TEX14: variants seen among roughly 807,000 people sequenced by gnomAD.
The protein encoded by TEX14 is inactive serine/threonine-protein kinase TEX14.
A neutral mutation model predicts 178.6 loss-of-function variants in TEX14; 168 were observed. That is an observed-to-expected ratio of 0.94 (90% confidence interval 0.83 to 1.07). The LOEUF (loss-of-function observed/expected upper bound fraction) is 1.07, where lower values mean the gene tolerates loss of function less well. TEX14 is among the 50% of genes least tolerant of loss of function. The pLI is 0.00. For synonymous variants in TEX14, 626 were observed against 634.1 expected, an observed-to-expected ratio of 0.99 and a Z score of 0.19; for missense variants, 1,730 against 1,753.6, an observed-to-expected ratio of 0.99 and a Z score of 0.24.
At chr17:58,687,898 T>C (rs1227497590) in intron 1 of TEX14, among the ~76,000 whole-genome samples, 2 of 152,154 alleles carry the variant, frequency 1.3e-5, no homozygotes, top group African/African-American at 4.8e-5. Flanking sequence ...AAGATCCTGA[T>C]AGATTATAAG....
intron 1 of TEX14, among the ~76,000 whole-genome samples, chr17:58,659,034 G>A (rs1246754989): frequency 6.6e-6 from 1 of 152,050 alleles, no homozygotes; most frequent in Non-Finnish European, 1.5e-5. Flanking sequence ...CGTAACCTAA[G>A]AAGACGTAAG....
chr17:58,574,251 T>A lies in TEX14; in HGVS notation c.3321-2A>T. ...GTCTCTTCTTGTTCATCTTCAGTACTGTGAGAAAGAAAGTAAGAAAATTAC... is the reference window on the plus strand; with the variant it reads ...GTCTCTTCTTGTTCATCTTCAGTACAGTGAGAAAGAAAGTAAGAAAATTAC... On this transcript the variant is annotated splice_acceptor_variant, in intron 21 of 31. Transcript: ENST00000349033. LOFTEE classifies it high-confidence loss of function. The A allele has an allele frequency of 1.2e-6, 2 of 1,611,306 alleles. No individual in the cohort carries two copies. Among genetic ancestry groups the A allele is most frequent in the South Asian group, 2.2e-5 (2 of 90,940 alleles).
rs1273353997 is a variant in TEX14 at position 58,639,441 on chromosome 17, C to T, written c.137-8887G>A. ...GTTGGCCGGGCGCGGTGGCTCACGC[C>T]TGTAATTGCAGCACTTTGGGAGGCC... On this transcript the variant is annotated intron_variant, in intron 2 of 31. Transcript: ENST00000349033. Among the ~76,000 whole-genome samples, 9 of 152,142 alleles carry T rather than the reference C, an allele frequency of 5.9e-5. No individual in the cohort carries two copies. In the East Asian group the frequency reaches 1.8e-3, roughly 30 times the overall value.
chr17:58,617,412 G>C, intron 6 of TEX14, 126 bp downstream of exon 6: 1 of 669,844 alleles, frequency 1.5e-6, no homozygotes, highest in African/African-American at 1.8e-5. Context: ...CTCAATAGGG[G>C]CAAAAAAGAA....
At chr17:58,599,723 G>C in intron 13 of TEX14, 57 bp from the exon 14 acceptor site, 1 of 1,428,566 alleles carries the variant, frequency 7.0e-7, no homozygotes, top group Non-Finnish European at 9.6e-7. Flanking sequence ...TGGCAGCTAA[G>C]CAGCCTTGGC....
In TEX14 at chr17:58,621,813, T is replaced by C. The variant is rs749228317; in HGVS notation, c.418-27A>G. 4 of 1,600,674 alleles carry C rather than the reference T, an allele frequency of 2.5e-6. No individual in the cohort carries two copies. In the Admixed American group the frequency reaches 6.8e-5, roughly 27 times the overall value. On this transcript the variant is annotated intron_variant, in intron 4 of 31. Transcript: ENST00000349033. ...TGCAAAACATCGCAGAGATGCCCAG[T>C]GCGGGCGCACCAGTTCTCAATGGAA...
At chr17:58,586,748 A>C (rs1002710937) in intron 17 of TEX14, among the ~76,000 whole-genome samples, 3 of 152,084 alleles carry the variant, frequency 2.0e-5, no homozygotes, top group East Asian at 1.9e-4. Flanking sequence ...AAAAAAAAAA[A>C]ACAATCAATT....
intron 10 of TEX14, among the ~76,000 whole-genome samples, chr17:58,608,666 T>C (rs2045673304): frequency 6.6e-6 from 1 of 152,194 alleles, no homozygotes; most frequent in South Asian, 2.1e-4. Context: ...CAGACACACT[T>C]GTATAAAAAT....
chr17:58,585,062 T>C (rs542302369), intron 18 of TEX14, among the ~76,000 whole-genome samples: 1 of 152,274 alleles, frequency 6.6e-6, no homozygotes, highest in African/African-American at 2.4e-5. Flanking sequence ...ATAGACTCTC[T>C]GGAAAAATTT....
rs138081947 is a variant in TEX14 at position 58,603,076 on chromosome 17, A to C, written c.1337-486T>G. ...ACAGAAAACAAAAAAACAAAAAAAA[A>C]CTACCTGGAAGGCCAATTCATAAGT... On this transcript the variant is annotated intron_variant, in intron 11 of 31. Coordinates refer to ENST00000349033, the MANE Select transcript of TEX14 (RefSeq NM_031272.5). 3.3e-5 allele frequency among the ~76,000 whole-genome samples: 5 copies of C among 151,856 alleles called. No individual in the cohort carries two copies. In the East Asian group the frequency reaches 9.8e-4, roughly 30 times the overall value.
intron 29 of TEX14, among the ~76,000 whole-genome samples, chr17:58,560,193 T>C (rs2044246396): frequency 6.6e-6 from 1 of 152,180 alleles, no homozygotes; most frequent in African/African-American, 2.4e-5. Flanking sequence ...CAGTGCTCGG[T>C]GGATGCTGGT....
intron 6 of TEX14, 108 bp downstream of exon 6, chr17:58,617,430 A>C (rs970249781): frequency 2.9e-5 from 22 of 756,704 alleles, no homozygotes; most frequent in Admixed American, 1.2e-4. Flanking sequence ...GAAAAGAACA[A>C]CACTTTGGTG....
intron 10 of TEX14, among the ~76,000 whole-genome samples, chr17:58,607,935 GTGAGCCACTGTACTATGGCC>G (rs753141740): frequency 3.9e-5 from 6 of 152,184 alleles, no homozygotes; most frequent in Non-Finnish European, 8.8e-5. Flanking sequence ...TGAGATTGTA[GTGAGCCACTGTACTATGGCC>G]TGGGCAAAAG....
chr17:58,571,571 A>G (rs2044530128), intron 24 of TEX14, among the ~76,000 whole-genome samples: 1 of 151,956 alleles, frequency 6.6e-6, no homozygotes, highest in Non-Finnish European at 1.5e-5. Flanking sequence ...GGGTACACAT[A>G]TGAGAAAGGG....
At chr17:58,623,177 T>C (rs986372634) in intron 3 of TEX14, among the ~76,000 whole-genome samples, 165 bp from the exon 4 acceptor site, 2 of 142,344 alleles carry the variant, frequency 1.4e-5, no homozygotes, top group African/African-American at 2.9e-5. Context: ...ACAGGAACTT[T>C]CTGTACACAC....
intron 3 of TEX14, among the ~76,000 whole-genome samples, chr17:58,624,341 C>CTTTTTTTTTT (rs34422419): frequency 3.9e-5 from 5 of 128,620 alleles, no homozygotes; most frequent in African/African-American, 5.5e-5. Context: ...CTTTTCTTTT[C>CTTTTTTTTTT]TTTTTTTTTT....
In TEX14 at chr17:58,584,549, G is replaced by C; in HGVS notation, c.3122C>G (p.Ala1041Gly). The C allele has an allele frequency of 1.2e-6, 2 of 1,614,116 alleles. No homozygotes were observed. Among genetic ancestry groups the C allele is most frequent in the Non-Finnish European group, 1.7e-6 (2 of 1,179,988 alleles). ...RQKEQPEHSEAFQASSDTLVA... is the reference protein window; with the variant it reads ...RQKEQPEHSEGFQASSDTLVA... Reference sequence around the variant, plus strand: ...CAATGTGTCAGAACTTGCTTGGAAGGCTTCACTATGCTCTGGTTGCTCCTT... The same window carrying C: ...CAATGTGTCAGAACTTGCTTGGAAGCCTTCACTATGCTCTGGTTGCTCCTT... Residue 1041 changes from alanine (A) to glycine (G), a missense_variant, in exon 19 of 32, where the codon GCC (alanine) becomes GGC (glycine). Ala to Gly is a moderately conservative substitution (Grantham distance 60). This residue lies in a region of TEX14 where 941 missense variants were observed against 1,072.4 expected (regional missense o/e 0.88). Coordinates refer to ENST00000349033, the MANE Select transcript of TEX14 (RefSeq NM_031272.5).
chr17:58,639,642 G>A (rs116936347), intron 2 of TEX14, among the ~76,000 whole-genome samples: 5,384 of 152,194 alleles, frequency 0.035, 152 homozygotes, highest in East Asian at 0.077. Context: ...GGATGTTGCC[G>A]TGAGCCCCTC....
chr17:58,628,257 ACCAATC>A (rs1038474675), intron 3 of TEX14, among the ~76,000 whole-genome samples: 2 of 152,042 alleles, frequency 1.3e-5, no homozygotes, highest in Admixed American at 1.3e-4. Context: ...CAATTTTATA[ACCAATC>A]CCTCCACAAC....
Sources: allele counts gnomAD v4.1 joint callset (sites outside exome capture counted in the v4.1 genomes callset), GRCh38; gene constraint gnomAD v4.1.1; regional missense constraint gnomAD v4.1.1; transcripts MANE v1.5; gene names NCBI Gene and HGNC (gene_info 2026-07-23, HGNC 2026-07-21).